The following CDH8 variants were observed in gnomAD, a reference collection of about 807,000 sequenced individuals.
CDH8 encodes cadherin 8, also known as cadherin-8.
A neutral mutation model predicts 68.1 loss-of-function variants in CDH8; 17 were observed. That is an observed-to-expected ratio of 0.25 (90% CI 0.17 to 0.37). CDH8 has a LOEUF of 0.37. Ranked by LOEUF, CDH8 falls within the 10% of genes least tolerant of loss-of-function variation. The pLI, the probability that CDH8 is intolerant of heterozygous loss-of-function variation, is 1.00. For synonymous variants in CDH8, 372 were observed against 365.1 expected (o/e 1.02, Z -0.21); for missense variants, 763 against 999.3 (o/e 0.76, Z 3.19).
At chr16:61,955,949 T>A (rs1964981049) in intron 2 of CDH8, among the ~76,000 whole-genome samples, 1 of 152,308 alleles carries the variant, frequency 6.6e-6, no homozygotes, top group South Asian at 2.1e-4. Context: ...TATCCCACAA[T>A]TAAACAAACA....
At chr16:61,812,330 CT>C (rs1416173623) in intron 7 of CDH8, among the ~76,000 whole-genome samples, 2 of 152,152 alleles carry the variant, frequency 1.3e-5, no homozygotes, top group Non-Finnish European at 2.9e-5. Flanking sequence ...AAATGCAATG[CT>C]TCTGTGTTGA....
intron 4 of CDH8, among the ~76,000 whole-genome samples, chr16:61,836,265 A>T (rs138778555): frequency 1.3e-5 from 2 of 152,086 alleles, no homozygotes; most frequent in Admixed American, 6.6e-5. Flanking sequence ...GTTTGATATG[A>T]CACAGTGGGT....
rs184092622 is a variant in CDH8, at chr16:61,967,116, C to T, written c.252+54036G>A. On this transcript the variant is annotated intron_variant, in intron 2 of 11. Coordinates refer to ENST00000577390, the MANE Select transcript of CDH8 (RefSeq NM_001796.5). ...CTCAGGAGGCTGGGACGGGAAGATC[C>T]CTTGAGCCCAGGAGTCCGAGGCTGC... Among the ~76,000 whole-genome samples the T allele has an allele frequency of 3.7e-3, 570 of 152,140 alleles. 5 individuals carry two copies. The highest frequency in any genetic ancestry group is 0.013 in the African/African-American group (546 of 41,506).
In CDH8 at chr16:61,988,227, C is replaced by G. The variant is rs139063560; in HGVS notation, c.252+32925G>C. On this transcript the variant is annotated intron_variant, in intron 2 of 11. Transcript: ENST00000577390. ...TTATATTTTAAAAAATAACAAAACA[C>G]AAAGCCTAATGCAGTGCCCAAGCAA... 3.5e-3 allele frequency among the ~76,000 whole-genome samples: 407 copies of G among 115,518 alleles called. 2 individuals are homozygous for G. The highest frequency in any genetic ancestry group is 7.1e-3 in the African/African-American group (286 of 40,558). 75.8% of individuals were successfully genotyped at this position (115,518 alleles called of 152,430 possible).
intron 2 of CDH8, among the ~76,000 whole-genome samples, chr16:61,999,120 TAAAG>T (rs1471588754): frequency 6.6e-6 from 1 of 152,164 alleles, no homozygotes; most frequent in South Asian, 2.1e-4. Flanking sequence ...GTAAGGATAA[TAAAG>T]AGAGTAGCTT....
Position 61,653,678 on chromosome 16 carries a change from C to T in CDH8, c.2330G>A (p.Ser777Asn), listed in dbSNP as rs777105614. Residue 777 changes from serine (S) to asparagine (N), a missense_variant, in exon 12 of 12, where the codon AGT becomes AAT. Coordinates refer to ENST00000577390, the MANE Select transcript of CDH8 (RefSeq NM_001796.5). ...SDSDQNFDYL[S>N]DWGPRFKRLG... is the part of the protein sequence containing the mutation. The stretch of plus-strand genomic sequence containing the variant: ...TCTCTTAAAGCGGGGACCCCAGTCA[C>T]TGAGGTAGTCAAAATTCTGGTCTGA... The T allele has an allele frequency of 1.9e-6, 3 of 1,614,162 alleles. No homozygotes were observed. The highest frequency in any genetic ancestry group is 2.5e-6 in the Non-Finnish European group (3 of 1,180,010).
At chr16:61,960,017 C>T (rs112472908) in intron 2 of CDH8, among the ~76,000 whole-genome samples, 9,547 of 28,306 alleles carry the variant, frequency 0.34, 1,233 homozygotes, top group African/African-American at 0.46. Context: ...TATATATATA[C>T]ACACATACAC....
chr16:61,865,290 A>G (rs1963233691), intron 3 of CDH8, among the ~76,000 whole-genome samples: 1 of 152,228 alleles, frequency 6.6e-6, no homozygotes. Context: ...TTAGGGAACC[A>G]AACAATTTTG....
intron 4 of CDH8, among the ~76,000 whole-genome samples, chr16:61,834,656 A>G (rs941133248): frequency 2.0e-5 from 3 of 151,936 alleles, no homozygotes; most frequent in Non-Finnish European, 4.4e-5. Flanking sequence ...TGAATTCATG[A>G]AAAAACAATT....
chr16:61,808,912 G>T (rs1384422239), intron 7 of CDH8, among the ~76,000 whole-genome samples: 1 of 152,108 alleles, frequency 6.6e-6, no homozygotes, highest in South Asian at 2.1e-4. Flanking sequence ...TAGACCAGGC[G>T]CAGTGGCTAA....
At chr16:61,747,886 C>T (rs1203468325) in intron 8 of CDH8, among the ~76,000 whole-genome samples, 1 of 152,038 alleles carries the variant, frequency 6.6e-6, no homozygotes, top group Non-Finnish European at 1.5e-5. Context: ...TTCTGGTGGT[C>T]TCCTTGACAT....
chr16:61,832,212 A>G (rs1962469631), intron 4 of CDH8, among the ~76,000 whole-genome samples: 1 of 151,800 alleles, frequency 6.6e-6, no homozygotes, highest in African/African-American at 2.4e-5. Flanking sequence ...TTAGATAAAC[A>G]CATTAGAAAA....
chr16:61,678,946 C>T (rs939875621), intron 10 of CDH8, among the ~76,000 whole-genome samples: 9 of 151,948 alleles, frequency 5.9e-5, no homozygotes, highest in African/African-American at 2.2e-4. Context: ...AATGTCATGA[C>T]CTGGAACTTG....
chr16:61,782,277 G>A (rs1961084780), intron 8 of CDH8, among the ~76,000 whole-genome samples: 1 of 152,226 alleles, frequency 6.6e-6, no homozygotes, highest in Non-Finnish European at 1.5e-5. Context: ...CCTCACCTGG[G>A]AAGCACAAGG....
chr16:62,000,237 T>C lies in CDH8; in HGVS notation c.252+20915A>G, dbSNP rs564199328. ...TTGGGTTGGTTCCAAGTCTTTGCTATTGTAAATAATGCTGCAATAAACATA... is the reference window on the plus strand; with the variant it reads ...TTGGGTTGGTTCCAAGTCTTTGCTACTGTAAATAATGCTGCAATAAACATA... On this transcript the variant is annotated intron_variant, in intron 2 of 11. Transcript: ENST00000577390. 2.6e-3 allele frequency among the ~76,000 whole-genome samples: 390 copies of C among 152,344 alleles called. 4 individuals carry two copies. Among genetic ancestry groups the C allele is most frequent in the South Asian group, 0.018 (87 of 4,828 alleles).
intron 2 of CDH8, among the ~76,000 whole-genome samples, chr16:61,926,573 G>A (rs986587080): frequency 3.9e-5 from 6 of 152,188 alleles, no homozygotes; most frequent in Non-Finnish European, 8.8e-5. Context: ...TGTGACACCT[G>A]ACAGATGGAG....
rs1033662641 is a variant in CDH8 at position 61,653,436 on chromosome 16, CT to C, written c.*171del. The C allele has an allele frequency of 7.1e-7, 1 of 1,412,640 alleles. No homozygotes were observed. The highest frequency in any genetic ancestry group is 1.7e-5 in the South Asian group (1 of 58,766). The allele number at this position is 1,412,640 out of a possible 1,614,324, so 87.5% of individuals were successfully genotyped here. On this transcript the variant is annotated 3_prime_UTR_variant, in exon 12 of 12. Transcript: ENST00000577390. ...AAGATTTATAACCTCCTAACATATACTTTTTTATTTTATTATCTTTTTTTGG... is the reference window on the plus strand; with the variant it reads ...AAGATTTATAACCTCCTAACATATACTTTTTATTTTATTATCTTTTTTTGG...
chr16:61,987,310 C>G (rs1322622979), intron 2 of CDH8, among the ~76,000 whole-genome samples: 1 of 152,080 alleles, frequency 6.6e-6, no homozygotes. Flanking sequence ...TCGAGACCAG[C>G]CTGGCCGACA....
At chr16:62,028,228 C>A (rs988352060) in intron 1 of CDH8, among the ~76,000 whole-genome samples, 2 of 151,850 alleles carry the variant, frequency 1.3e-5, no homozygotes, top group African/African-American at 4.8e-5. Flanking sequence ...CAATGCCCGG[C>A]TAATTTTTTT....
Sources: allele counts gnomAD v4.1 joint callset (sites outside exome capture counted in the v4.1 genomes callset), GRCh38; gene constraint gnomAD v4.1.1; transcripts MANE v1.5; gene names NCBI Gene and HGNC (gene_info 2026-07-23, HGNC 2026-07-21).